The following TRDN variants were observed in gnomAD, a reference collection of about 807,000 sequenced individuals.
TRDN encodes the protein triadin in skeletal muscle.
A neutral mutation model predicts 149.7 loss-of-function variants in TRDN; 161 were observed. The observed-to-expected ratio is 1.08, with a 90% CI of 0.95 to 1.23. TRDN has a LOEUF of 1.23. Ranked by LOEUF, TRDN falls within the 50% of genes most tolerant of loss-of-function variation. The pLI is 0.00. For missense variants in TRDN, 896 were observed against 823.5 expected (o/e 1.09, Z -1.08); for synonymous variants, 294 against 250.5 (o/e 1.17, Z -1.64).
In TRDN at chr6:123,406,824, G is replaced by C. The variant is rs1282602910; in HGVS notation, c.1052-13147C>G. On this transcript the variant is annotated intron_variant, in intron 12 of 40. Coordinates refer to ENST00000334268, the MANE Select transcript of TRDN (RefSeq NM_006073.4). ...ACATAACAGGAAGTCCAACATAGAA[G>C]GGTTTCAAGGTTTACTGATTCAAAA... Among the ~76,000 whole-genome samples the C allele has an allele frequency of 3.9e-5, 6 of 152,210 alleles. No individual in the cohort carries two copies. In the South Asian group the frequency reaches 8.3e-4, roughly 21 times the overall value.
In TRDN at chr6:123,260,676, GA is replaced by G. The variant is rs761630343; in HGVS notation, c.1805-39del. 92 of 1,364,344 alleles carry G rather than the reference GA, an allele frequency of 6.7e-5. 1 individual carries two copies. The African/African-American group carries it at 7.9e-4, about 12-fold the overall frequency. 84.5% of individuals were successfully genotyped at this position (1,364,344 alleles called of 1,614,324 possible). A position where few individuals can be genotyped will look rare whatever the true frequency, so the allele number is the denominator to read the frequency against. On this transcript the variant is annotated intron_variant, in intron 33 of 40. Transcript: ENST00000334268. The stretch of plus-strand genomic sequence containing the variant: ...AAAAAAAAAGAATGTAGAAAGAAAG[GA>G]AAAAAAATAAAAAGAAAAAGTATAG...
intron 2 of TRDN, among the ~76,000 whole-genome samples, chr6:123,560,183 A>G (rs1781908268): frequency 6.6e-6 from 1 of 151,686 alleles, no homozygotes; most frequent in Admixed American, 6.6e-5. Flanking sequence ...TGCTCAACTC[A>G]CTCTCTACAG....
chr6:123,509,501 T>C (rs963031058), intron 7 of TRDN: 7 of 152,188 alleles, frequency 4.6e-5, no homozygotes, highest in African/African-American at 1.7e-4. Context: ...GAACTGAAGA[T>C]GGTCCATAGC....
chr6:123,382,047 A>G (rs553103934), intron 15 of TRDN, 71 bp downstream of exon 15: 48 of 1,167,382 alleles, frequency 4.1e-5, no homozygotes, highest in African/African-American at 2.5e-4. Flanking sequence ...TTCTACATCA[A>G]TCCTTTAAGA....
intron 1 of TRDN, among the ~76,000 whole-genome samples, chr6:123,596,227 C>T (rs9490826): frequency 0.011 from 1,738 of 152,184 alleles, 33 homozygotes; most frequent in African/African-American, 0.039. Flanking sequence ...ACACTCCCTT[C>T]AGCCAAAGCC....
At chr6:123,420,985 C>T (rs76813580) in intron 12 of TRDN, among the ~76,000 whole-genome samples, 1,756 of 152,278 alleles carry the variant, frequency 0.012, 33 homozygotes, top group African/African-American at 0.04. Flanking sequence ...CATGACAGAA[C>T]GGTATCTATT....
intron 24 of TRDN, among the ~76,000 whole-genome samples, chr6:123,284,090 C>CG (rs1562245027): frequency 1.5e-5 from 2 of 134,830 alleles, no homozygotes; most frequent in South Asian, 2.5e-4. Context: ...TTGCCCCCCC[C>CG]CCAAAAATTG....
chr6:123,527,688 A>G (rs932661276), intron 5 of TRDN, among the ~76,000 whole-genome samples: 16 of 151,810 alleles, frequency 1.1e-4, no homozygotes, highest in African/African-American at 3.9e-4. Flanking sequence ...ATGTTAAATT[A>G]TGGTTGGAAG....
chr6:123,573,982 C>A (rs1583269492), intron 1 of TRDN, among the ~76,000 whole-genome samples: 1 of 151,862 alleles, frequency 6.6e-6, no homozygotes, highest in African/African-American at 2.4e-5. Context: ...TAATACTATC[C>A]TTCTCTTTAC....
chr6:123,631,736 A>G (rs1270764417), intron 1 of TRDN, among the ~76,000 whole-genome samples: 2 of 152,002 alleles, frequency 1.3e-5, no homozygotes, highest in African/African-American at 4.8e-5. Context: ...ATTGTGAAGA[A>G]GCTTAAATAA....
intron 1 of TRDN, 110 bp from the exon 2 acceptor site, chr6:123,571,242 G>A: frequency 8.9e-7 from 1 of 1,120,740 alleles, no homozygotes; most frequent in Non-Finnish European, 1.3e-6. Flanking sequence ...GCTTTCTAGA[G>A]CAGCACAACT....
chr6:123,550,121 T>C (rs1781311750), intron 2 of TRDN, among the ~76,000 whole-genome samples: 1 of 151,984 alleles, frequency 6.6e-6, no homozygotes, highest in Non-Finnish European at 1.5e-5. Flanking sequence ...AAACAGAAAC[T>C]TCAGAATCCA....
At chr6:123,278,778 T>G (rs565711600) in intron 25 of TRDN, among the ~76,000 whole-genome samples, 24 of 152,298 alleles carry the variant, frequency 1.6e-4, no homozygotes, top group African/African-American at 5.5e-4. Context: ...CAAAAAAATT[T>G]TTTTTGAGAA....
chr6:123,361,352 T>C (rs1404528212), intron 20 of TRDN, among the ~76,000 whole-genome samples: 2 of 151,838 alleles, frequency 1.3e-5, no homozygotes, highest in African/African-American at 2.4e-5. Flanking sequence ...GAGGGGAACA[T>C]CACACACTGG....
chr6:123,265,877 T>C (rs1174217881), intron 32 of TRDN, among the ~76,000 whole-genome samples: 1 of 147,566 alleles, frequency 6.8e-6, no homozygotes, highest in Non-Finnish European at 1.5e-5. Context: ...CATTCTATTT[T>C]TTTCCAATAT....
chr6:123,414,904 A>C (rs1478406908), intron 12 of TRDN, among the ~76,000 whole-genome samples: 1 of 152,164 alleles, frequency 6.6e-6, no homozygotes, highest in East Asian at 1.9e-4. Context: ...TATATACAGA[A>C]ACTTTAACAT....
chr6:123,341,027 C>G (rs1780045887), intron 21 of TRDN, among the ~76,000 whole-genome samples: 1 of 151,564 alleles, frequency 6.6e-6, no homozygotes, highest in Admixed American at 6.6e-5. Context: ...TTTGATAATC[C>G]AGGATATTTT....
intron 16 of TRDN, among the ~76,000 whole-genome samples, chr6:123,380,420 A>G (rs1375908455): frequency 6.6e-6 from 1 of 152,156 alleles, no homozygotes; most frequent in African/African-American, 2.4e-5. Flanking sequence ...TCTCTGTGCC[A>G]GTACTCATCA....
intron 9 of TRDN, among the ~76,000 whole-genome samples, chr6:123,487,598 C>T (rs940107536): frequency 1.3e-5 from 2 of 152,040 alleles, no homozygotes; most frequent in Non-Finnish European, 2.9e-5. Flanking sequence ...CAAAGACTTC[C>T]CTTTATGCCA....
Sources: gnomAD v4.1 joint callset for allele counts (sites outside exome capture counted in the v4.1 genomes callset) on GRCh38, gnomAD v4.1.1 for gene constraint, MANE v1.5 for transcripts, NCBI Gene and HGNC (gene_info 2026-07-23, HGNC 2026-07-21) for gene names.